Variants in CNTN5 observed in about 807,000 individuals in gnomAD.
CNTN5 encodes contactin-5.
In CNTN5, 77 loss-of-function variants were observed where a neutral mutation model predicts 129.1. That is an observed-to-expected ratio of 0.60 (90% CI 0.50 to 0.72). CNTN5 has a LOEUF of 0.72. Ranked by LOEUF, CNTN5 falls within the 30% of genes least tolerant of loss-of-function variation. CNTN5 has a pLI of 0.00. For missense variants in CNTN5, 1,478 were observed against 1,328.8 expected (o/e 1.11, Z -1.75); for synonymous variants, 509 against 465.6 (o/e 1.09, Z -1.20).
At chr11:100,326,099 C>A (rs940136347) in intron 21 of CNTN5, among the ~76,000 whole-genome samples, 4 of 151,972 alleles carry the variant, frequency 2.6e-5, no homozygotes, top group African/African-American at 4.8e-5. Flanking sequence ...TCATTGGAAG[C>A]AATAAGATGT....
intron 21 of CNTN5, among the ~76,000 whole-genome samples, chr11:100,318,092 T>G (rs11828428): frequency 0.011 from 1,619 of 151,892 alleles, 22 homozygotes; most frequent in African/African-American, 0.037. Context: ...ATACAAAAAA[T>G]TAGCCGGGCG....
chr11:100,219,580 T>C (rs1485095386), intron 15 of CNTN5, among the ~76,000 whole-genome samples: 3 of 152,202 alleles, frequency 2.0e-5, no homozygotes, highest in African/African-American at 7.2e-5. Flanking sequence ...TTTCTCCTCT[T>C]TAATCTATGT....
intron 2 of CNTN5, among the ~76,000 whole-genome samples, chr11:99,517,111 A>G (rs2135427466): frequency 6.6e-6 from 1 of 152,250 alleles, no homozygotes; most frequent in South Asian, 2.1e-4. Context: ...ACAACACCCT[A>G]TAGACAGGTT....
intron 3 of CNTN5, among the ~76,000 whole-genome samples, chr11:99,575,341 T>G (rs1591301285): frequency 6.6e-6 from 1 of 152,158 alleles, no homozygotes; most frequent in East Asian, 1.9e-4. Flanking sequence ...TCTTTTCCCC[T>G]CACTCAGAGA....
intron 9 of CNTN5, among the ~76,000 whole-genome samples, chr11:100,036,855 G>A (rs1056423667): frequency 1.4e-5 from 2 of 147,054 alleles, no homozygotes; most frequent in East Asian, 2.0e-4. Context: ...TTATCAGCTT[G>A]AGGAGGTTTT....
intron 13 of CNTN5, among the ~76,000 whole-genome samples, chr11:100,178,101 CT>C (rs927246148): frequency 6.6e-6 from 1 of 152,198 alleles, no homozygotes; most frequent in Non-Finnish European, 1.5e-5. Context: ...TATCAATGCA[CT>C]GTAGCAAAAC....
chr11:99,217,198 T>C (rs1024204642), intron 1 of CNTN5, among the ~76,000 whole-genome samples: 1 of 151,368 alleles, frequency 6.6e-6, no homozygotes, highest in Non-Finnish European at 1.5e-5. Flanking sequence ...ACATAAATAA[T>C]CAAAGTATAT....
intron 6 of CNTN5, among the ~76,000 whole-genome samples, chr11:99,873,851 T>C (rs1948566822): frequency 6.6e-6 from 1 of 152,096 alleles, no homozygotes; most frequent in Non-Finnish European, 1.5e-5. Flanking sequence ...AGGTGATACA[T>C]ACATATCAGC....
At chr11:100,146,149 G>A (rs1460039657) in intron 13 of CNTN5, among the ~76,000 whole-genome samples, 1 of 152,100 alleles carries the variant, frequency 6.6e-6, no homozygotes, top group African/African-American at 2.4e-5. Context: ...TTTTATGTGA[G>A]GGAAATAACA....
intron 6 of CNTN5, among the ~76,000 whole-genome samples, chr11:99,883,663 C>G (rs1248655737): frequency 1.3e-5 from 2 of 152,158 alleles, no homozygotes; most frequent in South Asian, 2.1e-4. Context: ...CCTGGCCTGT[C>G]TTGATAACCT....
intron 3 of CNTN5, among the ~76,000 whole-genome samples, chr11:99,759,039 T>G (rs1213960324): frequency 6.6e-6 from 1 of 152,040 alleles, no homozygotes; most frequent in African/African-American, 2.4e-5. Flanking sequence ...AGCTTTCTAT[T>G]TTAAGTCGGT....
At chr11:100,142,474 A>C (rs1398033889) in intron 13 of CNTN5, among the ~76,000 whole-genome samples, 1 of 152,170 alleles carries the variant, frequency 6.6e-6, no homozygotes, top group Non-Finnish European at 1.5e-5. Flanking sequence ...AAAACCCAAA[A>C]TTTTTGAGCT....
At chr11:99,426,535 C>T (rs549509601) in intron 2 of CNTN5, among the ~76,000 whole-genome samples, 171 of 152,250 alleles carry the variant, frequency 1.1e-3, no homozygotes, top group African/African-American at 4.1e-3. Flanking sequence ...TAATCTTTTA[C>T]AATTTTTTTA....
At chr11:99,846,641 A>G (rs1051756247) in intron 6 of CNTN5, among the ~76,000 whole-genome samples, 1 of 152,092 alleles carries the variant, frequency 6.6e-6, no homozygotes, top group African/African-American at 2.4e-5. Flanking sequence ...TGATTTTTAA[A>G]TTAAAGTTAC....
At chr11:99,234,673 C>T (rs1861175259) in intron 1 of CNTN5, among the ~76,000 whole-genome samples, 1 of 151,728 alleles carries the variant, frequency 6.6e-6, no homozygotes, top group Middle Eastern at 3.2e-3. Flanking sequence ...CAGTTTGAGT[C>T]ATTATTTATT....
chr11:99,902,979 C>T (rs559952953), intron 6 of CNTN5, among the ~76,000 whole-genome samples: 10 of 152,216 alleles, frequency 6.6e-5, no homozygotes, highest in African/African-American at 2.4e-4. Flanking sequence ...TGAAATGAAA[C>T]AGCTTCCAAC....
At position 99,278,664 on chromosome 11, in the gene CNTN5, C is replaced by T. The variant is rs150767519; in HGVS notation, c.-209-46682C>T. 1.5e-3 allele frequency among the ~76,000 whole-genome samples: 227 copies of T among 151,620 alleles called. 1 individual carries two copies. Among genetic ancestry groups the T allele is most frequent in the African/African-American group, 5.3e-3 (218 of 41,470 alleles). ...GTCATATCACAAAAGCATTGCTATC[C>T]GCACTTTACCAAGCTGAGGCAACAA... On this transcript the variant is annotated intron_variant, in intron 1 of 24. Transcript: ENST00000524871.
intron 2 of CNTN5, among the ~76,000 whole-genome samples, chr11:99,364,654 T>G (rs766504586): frequency 6.6e-6 from 1 of 152,144 alleles, no homozygotes; most frequent in Non-Finnish European, 1.5e-5. Context: ...AAAAATTGAT[T>G]GAAAATTTTA....
At chr11:100,200,065 T>A (rs990308394) in intron 15 of CNTN5, among the ~76,000 whole-genome samples, 1 of 152,000 alleles carries the variant, frequency 6.6e-6, no homozygotes, top group Non-Finnish European at 1.5e-5. Flanking sequence ...TTTTACTTTT[T>A]ACACAAAATG....
Sources: allele counts gnomAD v4.1 joint callset (sites outside exome capture counted in the v4.1 genomes callset), GRCh38; gene constraint gnomAD v4.1.1; transcripts MANE v1.5; gene names NCBI Gene and HGNC (gene_info 2026-07-23, HGNC 2026-07-21).